STXBP3: variants seen among roughly 807,000 people sequenced by gnomAD.
The protein encoded by STXBP3 is syntaxin binding protein 3, also known as syntaxin-binding protein 3.
A neutral mutation model predicts 85.7 loss-of-function variants in STXBP3; 41 were observed. The ratio of observed to expected loss-of-function variants is 0.48; its 90% confidence interval spans 0.37 to 0.62. The LOEUF is 0.62. STXBP3 is among the 20% of genes least tolerant of loss of function. The probability of loss-of-function intolerance (pLI) is 0.00; values close to 1 mark genes in which losing one functional copy is unlikely to be tolerated. For synonymous variants in STXBP3, 229 were observed against 231.7 expected (o/e 0.99, Z 0.10); for missense variants, 563 against 703.1 (o/e 0.80, Z 2.25).
Position 108,758,567 on chromosome 1 carries a change from G to A in STXBP3, c.316G>A (p.Ala106Thr), listed in dbSNP as rs1430669691. 4 of 1,529,296 alleles carry A rather than the reference G, an allele frequency of 2.6e-6. No homozygotes were observed. The highest frequency in any genetic ancestry group is 2.3e-5 in the East Asian group (1 of 43,214). 94.7% of individuals were successfully genotyped at this position (1,529,296 alleles called of 1,614,324 possible). A position where few individuals can be genotyped will look rare whatever the true frequency, so the allele number is the denominator to read the frequency against. Residue 106 changes from alanine to threonine, a missense_variant, in exon 5 of 19, where the codon GCA becomes ACA. Ala to Thr is a moderately conservative substitution (Grantham distance 58). Coordinates refer to ENST00000370008, the MANE Select transcript of STXBP3 (RefSeq NM_007269.4). ...ASKSENKYKA[A>T]YIYFTDFCPD... is the part of the protein sequence containing the mutation. ...TAAATCGGAGAACAAGTATAAAGCA[G>A]CATATATTTACTTCACTGACTGTAA...
chr1:108,794,716 T>G, intron 12 of STXBP3, 111 bp from the exon 13 acceptor site: 1 of 830,352 alleles, frequency 1.2e-6, no homozygotes, highest in South Asian at 1.6e-5. Context: ...CATGTTACCT[T>G]CTTTCACCTC....
intron 17 of STXBP3, among the ~76,000 whole-genome samples, chr1:108,804,306 GT>G (rs1663286376): frequency 1.3e-5 from 2 of 151,838 alleles, no homozygotes; most frequent in South Asian, 2.1e-4. Context: ...TGTATAAGCT[GT>G]TTTTTCTTTT....
intron 17 of STXBP3, 55 bp downstream of exon 17, chr1:108,800,360 A>G: frequency 7.5e-7 from 1 of 1,340,056 alleles, no homozygotes; most frequent in Non-Finnish European, 1.1e-6. Flanking sequence ...CTAATAATTT[A>G]AAATGGTACA....
chr1:108,768,352 G>A (rs1403513219), intron 6 of STXBP3, among the ~76,000 whole-genome samples: 6 of 151,810 alleles, frequency 4.0e-5, no homozygotes, highest in Non-Finnish European at 8.8e-5. Context: ...TGCCTGCCTC[G>A]GCTTCCCAAA....
chr1:108,772,448 A>C (rs34629138), intron 6 of STXBP3, among the ~76,000 whole-genome samples: 24,109 of 128,244 alleles, frequency 0.19, 3,617 homozygotes, highest in Non-Finnish European at 0.23. Flanking sequence ...CTATCTGTAT[A>C]ATATATAAAT....
At chr1:108,790,197 G>A (rs1662947194) in intron 11 of STXBP3, among the ~76,000 whole-genome samples, 1 of 151,988 alleles carries the variant, frequency 6.6e-6, no homozygotes, top group Admixed American at 6.6e-5. Context: ...GATCATGACT[G>A]TGAATTAGTT....
At position 108,782,662 on chromosome 1, in the gene STXBP3, C is replaced by G. The variant is rs1007064194; in HGVS notation, c.919C>G (p.Leu307Val). The G allele has an allele frequency of 1.2e-6, 2 of 1,608,494 alleles. No individual in the cohort carries two copies. The highest frequency in any genetic ancestry group is 1.3e-5 in the African/African-American group (1 of 74,650). ...IAVVLEEIPK[L>V]MKEISSTKKA... ...ACAATTTGACAGGGAAATTCCCAAG[C>G]TTATGAAAGAAATTTCATCAACAAA... Residue 307 changes from leucine to valine, a missense_variant, in exon 11 of 19, where the codon CTT becomes GTT. Physicochemically the swap from Leu to Val is conservative, Grantham distance 32 (BLOSUM62 1). Around this residue, in one of 3 missense-constraint regions of STXBP3, gnomAD observed 494 missense variants for 592.8 expected, o/e 0.83. Transcript: ENST00000370008.
At chr1:108,785,399 G>T (rs1662804227) in intron 11 of STXBP3, among the ~76,000 whole-genome samples, 1 of 152,058 alleles carries the variant, frequency 6.6e-6, no homozygotes, top group Non-Finnish European at 1.5e-5. Context: ...GTTCTACTTT[G>T]GCCCCTTTTA....
At chr1:108,754,065 C>T (rs866082428) in intron 3 of STXBP3, among the ~76,000 whole-genome samples, 54 of 145,238 alleles carry the variant, frequency 3.7e-4, no homozygotes, top group African/African-American at 1.3e-3. Flanking sequence ...CAGGATCTCA[C>T]TCTGTCACCC....
intron 8 of STXBP3, 87 bp from the exon 9 acceptor site, chr1:108,779,199 A>G: frequency 7.1e-7 from 1 of 1,402,596 alleles, no homozygotes; most frequent in Non-Finnish European, 9.6e-7. Flanking sequence ...AACTTAGGAA[A>G]AGGGTGCTTT....
chr1:108,775,125 A>G (rs940294281), intron 7 of STXBP3, among the ~76,000 whole-genome samples: 2 of 152,130 alleles, frequency 1.3e-5, no homozygotes, highest in African/African-American at 2.4e-5. Flanking sequence ...ATTATTGTAC[A>G]AAGAGTTGAA....
At chr1:108,789,055 C>T (rs1051284724) in intron 11 of STXBP3, among the ~76,000 whole-genome samples, 4 of 152,002 alleles carry the variant, frequency 2.6e-5, no homozygotes, top group Non-Finnish European at 5.9e-5. Flanking sequence ...AAGAGTGAGA[C>T]TCCATGTAAA....
chr1:108,771,700 CAT>C lies in STXBP3; in HGVS notation c.439-959_439-958del, dbSNP rs1295418088. On this transcript the variant is annotated intron_variant, in intron 6 of 18. Transcript: ENST00000370008. Reference sequence around the variant, plus strand: ...ATATATGATATCTATCTATATATATCATATATAAATATATATGATATCTATCT... The same window carrying C: ...ATATATGATATCTATCTATATATATCATATAAATATATATGATATCTATCT... Among the ~76,000 whole-genome samples the C allele has an allele frequency of 2.2e-4, 2 of 9,136 alleles. 1 individual carries two copies. Among genetic ancestry groups the C allele is most frequent in the African/African-American group, 1.1e-3 (2 of 1,850 alleles). 6.0% of individuals were successfully genotyped at this position (9,136 alleles called of 152,430 possible).
chr1:108,749,332 ATC>A (rs1661857641), intron 1 of STXBP3, among the ~76,000 whole-genome samples: 1 of 152,276 alleles, frequency 6.6e-6, no homozygotes, highest in East Asian at 1.9e-4. Flanking sequence ...AGCTGCTTGT[ATC>A]TGTATTGCGT....
intron 15 of STXBP3, 62 bp downstream of exon 15, chr1:108,796,788 A>C: frequency 7.8e-7 from 1 of 1,276,376 alleles, no homozygotes; most frequent in South Asian, 1.7e-5. Context: ...TGTATGTATT[A>C]ACTGTTTTTT....
At chr1:108,779,024 C>A (rs1168035189) in intron 8 of STXBP3, among the ~76,000 whole-genome samples, 2 of 152,164 alleles carry the variant, frequency 1.3e-5, no homozygotes, top group Non-Finnish European at 2.9e-5. Flanking sequence ...TAAATATACC[C>A]TCTTACTCTA....
chr1:108,751,426 T>C (rs1661904860), intron 1 of STXBP3, among the ~76,000 whole-genome samples: 1 of 152,176 alleles, frequency 6.6e-6, no homozygotes, highest in South Asian at 2.1e-4. Context: ...AACTTGTTGA[T>C]AAATTTCCCA....
chr1:108,756,357 T>G (rs1662017359), intron 3 of STXBP3, among the ~76,000 whole-genome samples: 1 of 152,130 alleles, frequency 6.6e-6, no homozygotes, highest in African/African-American at 2.4e-5. Context: ...TTCTTTAAGC[T>G]TCAGTTTCCT....
chr1:108,768,011 T>A (rs571817445), intron 6 of STXBP3, among the ~76,000 whole-genome samples: 1 of 152,234 alleles, frequency 6.6e-6, no homozygotes, highest in African/African-American at 2.4e-5. Context: ...ACTGAGAAAA[T>A]TTTTTAGCTG....
Sources: gnomAD v4.1 joint callset for allele counts (sites outside exome capture counted in the v4.1 genomes callset) on GRCh38, gnomAD v4.1.1 for gene constraint, gnomAD v4.1.1 regional missense constraint, MANE v1.5 for transcripts, NCBI Gene and HGNC (gene_info 2026-07-23, HGNC 2026-07-21) for gene names.